RBM19: variants seen among roughly 807,000 people sequenced by gnomAD.
RBM19 encodes probable RNA-binding protein 19.
In RBM19, 94 loss-of-function variants were observed where a neutral mutation model predicts 116.8. The observed-to-expected ratio is 0.80, with a 90% CI of 0.68 to 0.95. The LOEUF is 0.95. Ranked by LOEUF, RBM19 falls within the 40% of genes least tolerant of loss-of-function variation. RBM19 has a pLI of 0.00. For missense variants in RBM19, 1,161 were observed against 1,220.7 expected, an observed-to-expected ratio of 0.95 and a Z score of 0.73; for synonymous variants, 475 against 494.1, an observed-to-expected ratio of 0.96 and a Z score of 0.51.
chr12:113,951,375 C>T (rs1871446644), intron 8 of RBM19, among the ~76,000 whole-genome samples: 1 of 152,074 alleles, frequency 6.6e-6, no homozygotes, highest in Non-Finnish European at 1.5e-5. Flanking sequence ...TGTGAAGTGC[C>T]ATAAAACCAA....
Position 113,823,153 on chromosome 12 carries a change from G to C in RBM19, c.*71C>G, listed in dbSNP as rs529592780. The C allele has an allele frequency of 8.1e-5, 116 of 1,426,252 alleles. 1 individual carries two copies. In the South Asian group the frequency reaches 1.4e-3, roughly 17 times the overall value. 88.3% of individuals were successfully genotyped at this position (1,426,252 alleles called of 1,614,324 possible). A position where few individuals can be genotyped will look rare whatever the true frequency, so the allele number is the denominator to read the frequency against. The stretch of plus-strand genomic sequence containing the variant: ...GCCCCGCCCCCCAGCCCACATGGTG[G>C]TGAGTGCAGAAGCTGGAGCGGCTGT... On this transcript the variant is annotated 3_prime_UTR_variant, in exon 24 of 24. Transcript: ENST00000261741.
intron 21 of RBM19, among the ~76,000 whole-genome samples, chr12:113,882,910 G>A (rs564667174): frequency 1.3e-5 from 2 of 152,320 alleles, no homozygotes; most frequent in South Asian, 2.1e-4. Flanking sequence ...GTGTGGTCAC[G>A]TTGTCAATAA....
intron 21 of RBM19, among the ~76,000 whole-genome samples, chr12:113,880,617 C>T (rs1593526445): frequency 6.6e-6 from 1 of 152,170 alleles, no homozygotes; most frequent in African/African-American, 2.4e-5. Context: ...GCACCTGACA[C>T]TCCCCCTGCC....
chr12:113,966,175 C>T lies in RBM19; in HGVS notation c.36+17G>A. 3.7e-6 allele frequency: 6 copies of T among 1,614,254 alleles called. No homozygotes were observed. Among genetic ancestry groups the T allele is most frequent in the Non-Finnish European group, 5.1e-6 (6 of 1,180,040 alleles). ...CTGGTCTCATTTCAGATTCCCAAGT[C>T]CTGCCTCTGCACTCACCCCATTCGG... On this transcript the variant is annotated intron_variant, in intron 1 of 23. Transcript: ENST00000261741.
intron 1 of RBM19, among the ~76,000 whole-genome samples, chr12:113,964,197 C>T (rs1872702558): frequency 6.6e-6 from 1 of 152,222 alleles, no homozygotes; most frequent in African/African-American, 2.4e-5. Context: ...CTAAAGATTG[C>T]TCAATTCAAT....
intron 22 of RBM19, among the ~76,000 whole-genome samples, chr12:113,846,352 G>A (rs1306988251): frequency 9.2e-5 from 14 of 152,182 alleles, no homozygotes; most frequent in Non-Finnish European, 1.9e-4. Context: ...AGCTCCTATG[G>A]TCAGACCCTG....
intron 20 of RBM19, among the ~76,000 whole-genome samples, 199 bp downstream of exon 20, chr12:113,918,193 T>C (rs528077235): frequency 6.6e-6 from 1 of 151,918 alleles, no homozygotes; most frequent in South Asian, 2.1e-4. Context: ...ACTAACACTG[T>C]TGTAGTTCAC....
Position 113,962,424 on chromosome 12 carries a change from A to C in RBM19, c.37-10T>G. On this transcript the variant is annotated splice_polypyrimidine_tract_variant and intron_variant, in intron 1 of 23. Transcript: ENST00000261741. ...AACGCTCCTCCTTCATCTAGGACAGAGGGAAAGGAATGAGAGACGAACTGG... is the reference window on the plus strand; with the variant it reads ...AACGCTCCTCCTTCATCTAGGACAGCGGGAAAGGAATGAGAGACGAACTGG... 1 of 1,610,736 alleles carries C rather than the reference A, an allele frequency of 6.2e-7. No homozygotes were observed. Among genetic ancestry groups the C allele is most frequent in the Non-Finnish European group, 8.5e-7 (1 of 1,177,158 alleles).
intron 21 of RBM19, among the ~76,000 whole-genome samples, chr12:113,913,145 G>A (rs1882552024): frequency 2.0e-5 from 3 of 152,130 alleles, no homozygotes; most frequent in Admixed American, 6.5e-5. Flanking sequence ...CCCCGGATAA[G>A]TGTCATCCTA....
chr12:113,897,462 G>T (rs1002881584), intron 21 of RBM19, among the ~76,000 whole-genome samples: 1 of 152,198 alleles, frequency 6.6e-6, no homozygotes, highest in Non-Finnish European at 1.5e-5. Flanking sequence ...CATGGCACCC[G>T]GCCCAGAGTG....
chr12:113,950,871 A>T (rs1871408638), intron 8 of RBM19, among the ~76,000 whole-genome samples: 1 of 151,770 alleles, frequency 6.6e-6, no homozygotes. Context: ...CATCCCCATA[A>T]ACATCTTCCG....
chr12:113,910,694 G>A (rs375536299), intron 21 of RBM19, among the ~76,000 whole-genome samples: 278 of 152,356 alleles, frequency 1.8e-3, no homozygotes, highest in African/African-American at 6.4e-3. Context: ...TTGGGCTGCT[G>A]TGTGGACGAA....
At chr12:113,937,374 A>G in intron 15 of RBM19, 1 of 366,068 alleles carries the variant, frequency 2.7e-6, no homozygotes. Context: ...TGTTGCCACC[A>G]GACATATGGC....
chr12:113,945,863 T>C lies in RBM19; in HGVS notation c.1591A>G (p.Lys531Glu). The change falls in exon 13 of 24, where the codon AAG becomes GAG. Residue 531 changes from lysine to glutamate, a missense_variant. Physicochemically the swap from Lys to Glu is moderately conservative, Grantham distance 56. Transcript: ENST00000261741. ...ACTTGACTCTTGGTGGCGTTGTACT[T>C]CTGTGCGATGGCATCGGCCACGGCA... Reference protein sequence around the residue: ...PNAVADAIAQKYNATKSQVFD... With the variant: ...PNAVADAIAQEYNATKSQVFD... 1 of 1,589,114 alleles carries C rather than the reference T, an allele frequency of 6.3e-7. No individual in the cohort carries two copies. Among genetic ancestry groups the C allele is most frequent in the Non-Finnish European group, 8.6e-7 (1 of 1,157,276 alleles).
intron 21 of RBM19, among the ~76,000 whole-genome samples, chr12:113,895,516 G>C (rs771509065): frequency 6.6e-6 from 1 of 152,224 alleles, no homozygotes; most frequent in Admixed American, 6.5e-5. Context: ...ACATGTCAGA[G>C]AGGGGAAGAC....
intron 21 of RBM19, among the ~76,000 whole-genome samples, chr12:113,894,548 T>C (rs115418227): frequency 0.057 from 8,695 of 152,242 alleles, 843 homozygotes; most frequent in African/African-American, 0.2. Flanking sequence ...GAGCTCTGAT[T>C]GAAGTTTTGT....
At chr12:113,951,102 G>A (rs541454820) in intron 8 of RBM19, among the ~76,000 whole-genome samples, 2 of 152,246 alleles carry the variant, frequency 1.3e-5, no homozygotes, top group South Asian at 4.2e-4. Flanking sequence ...TTGCTATGTT[G>A]TCCAGGCTGG....
intron 1 of RBM19, among the ~76,000 whole-genome samples, chr12:113,964,103 A>G (rs1302692528): frequency 6.6e-6 from 1 of 152,198 alleles, no homozygotes; most frequent in Non-Finnish European, 1.5e-5. Context: ...AAAAATAAGG[A>G]CACAGGCTTA....
chr12:113,929,999 C>T (rs1019771799), intron 16 of RBM19, among the ~76,000 whole-genome samples: 4 of 152,198 alleles, frequency 2.6e-5, no homozygotes, highest in Non-Finnish European at 5.9e-5. Context: ...GGCCAATTGA[C>T]GGAAAGGTCA....
Sources: gnomAD v4.1 joint callset for allele counts (sites outside exome capture counted in the v4.1 genomes callset) on GRCh38, gnomAD v4.1.1 for gene constraint, MANE v1.5 for transcripts, NCBI Gene and HGNC (gene_info 2026-07-23, HGNC 2026-07-21) for gene names.